The following SYT17 variants were observed in gnomAD, a reference collection of about 807,000 sequenced individuals.
SYT17 encodes synaptotagmin 17.
SYT17 carries 22 observed loss-of-function variants against 46.7 expected under a neutral mutation model. The ratio of observed to expected loss-of-function variants is 0.47; its 90% confidence interval spans 0.34 to 0.67. The LOEUF (loss-of-function observed/expected upper bound fraction) is 0.67, where lower values mean the gene tolerates loss of function less well. SYT17 is among the 30% of genes least tolerant of loss of function. SYT17 has a pLI of 0.01. For synonymous variants in SYT17, 251 were observed against 248.4 expected (o/e 1.01, Z -0.10); for missense variants, 519 against 612.8 (o/e 0.85, Z 1.62).
At chr16:19,190,539 C>G (rs1413144414) in intron 5 of SYT17, among the ~76,000 whole-genome samples, 11 of 152,110 alleles carry the variant, frequency 7.2e-5, no homozygotes, top group Admixed American at 7.2e-4. Context: ...AACTGAAACC[C>G]TACACCCATT....
intron 7 of SYT17, among the ~76,000 whole-genome samples, chr16:19,259,657 T>G (rs554578728): frequency 6.6e-6 from 1 of 151,684 alleles, no homozygotes; most frequent in African/African-American, 2.4e-5. Flanking sequence ...TACATAGACT[T>G]GTGACATCAA....
At position 19,183,469 on chromosome 16, in the gene SYT17, A is replaced by G. The variant is rs902463219; in HGVS notation, c.332-59A>G. 6.3e-6 allele frequency: 10 copies of G among 1,591,440 alleles called. No homozygotes were observed. Among genetic ancestry groups the G allele is most frequent in the Non-Finnish European group, 7.7e-6 (9 of 1,167,664 alleles). On this transcript the variant is annotated intron_variant, in intron 4 of 7. Coordinates refer to ENST00000355377, the MANE Select transcript of SYT17 (RefSeq NM_016524.4). This position sits in a 1 kb window ranked among gnomAD's most constrained non-coding sequence, Gnocchi z 5.6. ...AATGCAAGAATCTGCTTACCTGCAA[A>G]GTGGCCCAGGTCTGCCCCGTATGTG...
chr16:19,259,844 T>G (rs932232801), intron 7 of SYT17, among the ~76,000 whole-genome samples: 2 of 152,172 alleles, frequency 1.3e-5, no homozygotes, highest in African/African-American at 4.8e-5. Context: ...TACGGACCTG[T>G]GCATGAAACA....
intron 7 of SYT17, among the ~76,000 whole-genome samples, chr16:19,227,232 C>T (rs895688710): frequency 1.3e-5 from 2 of 152,022 alleles, no homozygotes; most frequent in Non-Finnish European, 2.9e-5. Flanking sequence ...CCTTTTTTCT[C>T]CCACACACAT....
At chr16:19,262,559 C>T (rs913509961) in intron 7 of SYT17, among the ~76,000 whole-genome samples, 1 of 147,470 alleles carries the variant, frequency 6.8e-6, no homozygotes, top group Non-Finnish European at 1.5e-5. Context: ...CAGATGCAAG[C>T]TTCCAGTTGT....
At chr16:19,194,231 C>T (rs971532489) in intron 5 of SYT17, among the ~76,000 whole-genome samples, 1 of 152,194 alleles carries the variant, frequency 6.6e-6, no homozygotes, top group Non-Finnish European at 1.5e-5. Flanking sequence ...AGCCATGTCT[C>T]TCTCTGAGCT....
intron 7 of SYT17, among the ~76,000 whole-genome samples, chr16:19,263,328 C>T (rs1597057243): frequency 2.0e-5 from 3 of 152,144 alleles, no homozygotes; most frequent in Admixed American, 2.0e-4. Context: ...ATAAATGGAT[C>T]ATAATATATG....
intron 5 of SYT17, among the ~76,000 whole-genome samples, chr16:19,190,497 A>G (rs1596918864): frequency 6.6e-6 from 1 of 152,182 alleles, no homozygotes; most frequent in East Asian, 1.9e-4. Context: ...TTGTGCAACC[A>G]TCACCACCAT....
At chr16:19,178,325 T>G (rs1217395095) in intron 3 of SYT17, among the ~76,000 whole-genome samples, 1 of 151,924 alleles carries the variant, frequency 6.6e-6, no homozygotes, top group Non-Finnish European at 1.5e-5. Context: ...GACCTCGTGA[T>G]CCACCCGCCT....
intron 7 of SYT17, 72 bp downstream of exon 7, chr16:19,224,910 C>CATCT: frequency 6.5e-7 from 1 of 1,538,486 alleles, no homozygotes; most frequent in South Asian, 1.2e-5. Flanking sequence ...AGCCAGAAGG[C>CATCT]ATCTAGAGAG....
intron 5 of SYT17, among the ~76,000 whole-genome samples, chr16:19,206,110 T>C (rs1965662730): frequency 6.6e-6 from 1 of 152,052 alleles, no homozygotes; most frequent in Non-Finnish European, 1.5e-5. Flanking sequence ...ATGACAGGCG[T>C]CAAGAAAATT....
intron 1 of SYT17, chr16:19,172,388 G>A: frequency 7.1e-7 from 1 of 1,407,916 alleles, no homozygotes; most frequent in Non-Finnish European, 9.2e-7. Flanking sequence ...TTGGCTACAT[G>A]GCTATTTCTG....
chr16:19,261,818 G>A (rs1044611413), intron 7 of SYT17, among the ~76,000 whole-genome samples: 1 of 152,126 alleles, frequency 6.6e-6, no homozygotes, highest in South Asian at 2.1e-4. Context: ...ATATAGATAA[G>A]TCTGTCTCAT....
At position 19,180,461 on chromosome 16, in the gene SYT17, C is replaced by T. The variant is rs1964502860; in HGVS notation, c.253C>T (p.Arg85Trp). The T allele has an allele frequency of 2.5e-6, 4 of 1,614,064 alleles. No individual in the cohort carries two copies. Among genetic ancestry groups the T allele is most frequent in the Admixed American group, 1.7e-5 (1 of 60,008 alleles). Residue 85 changes from arginine to tryptophan, a missense_variant, in exon 4 of 8, where the codon CGG becomes TGG. Transcript: ENST00000355377. ...HTASEVPLTP[R>W]TNSPDGRRSS... ...GGCCAGCGAAGTCCCGCTGACCCCA[C>T]GGACCAATTCCCCGGATGGAAGACG...
intron 5 of SYT17, among the ~76,000 whole-genome samples, chr16:19,205,894 A>G (rs180817235): frequency 2.0e-5 from 3 of 152,152 alleles, no homozygotes; most frequent in Non-Finnish European, 4.4e-5. Context: ...TTTCCTTATT[A>G]TGTTTCTTCC....
Position 19,168,638 on chromosome 16 carries a change from C to T in SYT17, c.-9C>T. On this transcript the variant is annotated 5_prime_UTR_variant, in exon 1 of 8. Coordinates refer to ENST00000355377, the MANE Select transcript of SYT17 (RefSeq NM_016524.4). This position sits in a 1 kb window ranked among gnomAD's most constrained non-coding sequence, Gnocchi z 6.9. Reference sequence around the variant, plus strand: ...ATGCCCGGGCCGGAGTGAGTGCGCGCGGGCGAAAATGGCGTACATCCAGGT... The same window carrying T: ...ATGCCCGGGCCGGAGTGAGTGCGCGTGGGCGAAAATGGCGTACATCCAGGT... 6.5e-7 allele frequency: 1 copy of T among 1,538,000 alleles called. No individual in the cohort carries two copies. The highest frequency in any genetic ancestry group is 8.8e-7 in the Non-Finnish European group (1 of 1,140,490).
intron 5 of SYT17, among the ~76,000 whole-genome samples, chr16:19,188,622 C>G (rs891094267): frequency 6.6e-6 from 1 of 151,520 alleles, no homozygotes; most frequent in African/African-American, 2.4e-5. Flanking sequence ...AGATTTGTTG[C>G]CAGGGCTGCC....
chr16:19,236,864 G>A (rs1230745409), intron 7 of SYT17, among the ~76,000 whole-genome samples: 1 of 152,170 alleles, frequency 6.6e-6, no homozygotes, highest in African/African-American at 2.4e-5. Context: ...CTGATCTTCA[G>A]TCTCTATCCC....
chr16:19,220,209 A>C, intron 5 of SYT17, among the ~76,000 whole-genome samples: 1 of 151,964 alleles, frequency 6.6e-6, no homozygotes, highest in South Asian at 2.1e-4. Flanking sequence ...GTATGATGTG[A>C]AGGGGGCAGG....
Sources: gnomAD v4.1 joint callset for allele counts (sites outside exome capture counted in the v4.1 genomes callset) on GRCh38, gnomAD v4.1.1 for gene constraint, Gnocchi (gnomAD v3.1) non-coding constraint, MANE v1.5 for transcripts, NCBI Gene and HGNC (gene_info 2026-07-23, HGNC 2026-07-21) for gene names.